The following ZNF554 variants were observed in gnomAD, a reference collection of about 807,000 sequenced individuals.
ZNF554 encodes zinc finger protein 554.
A neutral mutation model predicts 21.2 loss-of-function variants in ZNF554; 15 were observed. The ratio of observed to expected loss-of-function variants is 0.71; its 90% CI spans 0.47 to 1.09. The LOEUF is 1.09. Among genes scored for constraint, ZNF554 ranks in the 50% least tolerant of loss-of-function variants. The pLI is 0.00. For missense variants in ZNF554, 691 were observed against 662.7 expected (o/e 1.04, Z -0.47); for synonymous variants, 258 against 251.4 (o/e 1.03, Z -0.25).
chr19:2,829,496 G>A (rs892094330), intron 3 of ZNF554, among the ~76,000 whole-genome samples: 1 of 151,906 alleles, frequency 6.6e-6, no homozygotes, highest in Non-Finnish European at 1.5e-5. Flanking sequence ...AATTAGCCAG[G>A]CGTGGTGGCG....
Position 2,833,943 on chromosome 19 carries a change from G to A in ZNF554, c.708G>A (p.Gln236=). ...TGAGCCCAGCCCTTGTTTTATCACAGGGAAGCTCTAAAGGGAACCACTTGT... is the reference window on the plus strand; with the variant it reads ...TGAGCCCAGCCCTTGTTTTATCACAAGGAAGCTCTAAAGGGAACCACTTGT... ...GNLSPALVLS[Q]GSSKGNHLCG... The change falls in exon 5 of 5, where the codon CAG becomes CAA. Residue 236 remains glutamine, a synonymous_variant. Transcript: ENST00000317243. 1 of 1,614,090 alleles carries A rather than the reference G, an allele frequency of 6.2e-7. No individual in the cohort carries two copies. The highest frequency in any genetic ancestry group is 8.5e-7 in the Non-Finnish European group (1 of 1,180,048).
intron 2 of ZNF554, 78 bp from the exon 3 acceptor site, chr19:2,827,539 G>C: frequency 6.5e-7 from 1 of 1,536,356 alleles, no homozygotes; most frequent in Non-Finnish European, 8.8e-7. Context: ...CTTCCCTGGT[G>C]CCACCAACCT....
At position 2,834,724 on chromosome 19, in the gene ZNF554, T is replaced by C; in HGVS notation, c.1489T>C (p.Cys497Arg). Residue 497 changes from cysteine to arginine, a missense_variant, in exon 5 of 5, where the codon TGT (cysteine) becomes CGT (arginine). By Grantham distance (180) the Cys-to-Arg change is radical (BLOSUM62 -3). Coordinates refer to ENST00000317243, the MANE Select transcript of ZNF554 (RefSeq NM_001102651.2). The stretch of plus-strand genomic sequence containing the variant: ...AGAGAAACCCTACAGGTGTCAGGAA[T>C]GTGGGAAAGCCTTCAGCCAGAGCTC... ...TGEKPYRCQECGKAFSQSSSL... is the reference protein window; with the variant it reads ...TGEKPYRCQERGKAFSQSSSL... 2 of 1,614,070 alleles carry C rather than the reference T, an allele frequency of 1.2e-6. No individual in the cohort carries two copies. Among genetic ancestry groups the C allele is most frequent in the Middle Eastern group, 3.3e-4 (2 of 6,062 alleles).
rs1323456116 is a variant in ZNF554, at chr19:2,820,245, G to T, written c.53+121G>T. On this transcript the variant is annotated intron_variant, in intron 1 of 4. Transcript: ENST00000317243. Reference sequence around the variant, plus strand: ...ACCCTGTCGCGATAGGGTCCCCACGGGAGGGTCGGGAGCCGGCAGCTCGCC... The same window carrying T: ...ACCCTGTCGCGATAGGGTCCCCACGTGAGGGTCGGGAGCCGGCAGCTCGCC... 9 of 944,362 alleles carry T rather than the reference G, an allele frequency of 9.5e-6. No homozygotes were observed. In the Admixed American group the frequency reaches 1.8e-4, roughly 19 times the overall value. 58.5% of individuals were successfully genotyped at this position (944,362 alleles called of 1,614,324 possible).
In ZNF554 at chr19:2,834,083, G is replaced by A. The variant is rs373131556; in HGVS notation, c.848G>A (p.Arg283His). ...AGTAATGAATGTGGAAATGCCATCC[G>A]CCAGAACAGTCACTTTATTCAACAC... is the stretch of plus-strand genomic sequence containing the variant. ...CESNECGNAI[R>H]QNSHFIQHGG... The change falls in exon 5 of 5, where the codon CGC (arginine) becomes CAC (histidine). Residue 283 changes from arginine (R) to histidine (H), a missense_variant. Physicochemically the swap from Arg to His is conservative, Grantham distance 29. Coordinates refer to ENST00000317243, the MANE Select transcript of ZNF554 (RefSeq NM_001102651.2). 31 of 1,613,938 alleles carry A rather than the reference G, an allele frequency of 1.9e-5. No individual in the cohort carries two copies. The Admixed American group carries it at 2.2e-4, about 11-fold the overall frequency.
At chr19:2,828,416 G>A (rs2087364945) in intron 3 of ZNF554, among the ~76,000 whole-genome samples, 1 of 152,154 alleles carries the variant, frequency 6.6e-6, no homozygotes, top group Admixed American at 6.5e-5. Flanking sequence ...ACCTAGGCTG[G>A]GTGTGGTGGC....
In ZNF554 at chr19:2,836,178, G is replaced by A. The variant is rs976767577; in HGVS notation, c.*1326G>A. On this transcript the variant is annotated 3_prime_UTR_variant, in exon 5 of 5. Transcript: ENST00000317243. ...TGTGCTGGGATTACGGGCGTGAGCT[G>A]CCCATGCTGGGATTACGGGTGTGAG... is the stretch of plus-strand genomic sequence containing the variant. Among the ~76,000 whole-genome samples, 2 of 97,826 alleles carry A rather than the reference G, an allele frequency of 2.0e-5. No individual in the cohort carries two copies. The highest frequency in any genetic ancestry group is 6.1e-5 in the African/African-American group (2 of 32,860). The allele number at this position is 97,826 out of a possible 152,430, so 64.2% of individuals were successfully genotyped here. A position where few individuals can be genotyped will look rare whatever the true frequency, so the allele number is the denominator to read the frequency against.
intron 1 of ZNF554, among the ~76,000 whole-genome samples, chr19:2,820,683 C>CTTTTTTTTTTTTTTT (rs1568330714): frequency 9.8e-5 from 8 of 81,828 alleles, no homozygotes; most frequent in African/African-American, 4.2e-4. Flanking sequence ...CAGCAAGGGT[C>CTTTTTTTTTTTTTTT]CTTTTTTTTT....
chr19:2,819,955 C>A lies in ZNF554; in HGVS notation c.-117C>A. The A allele has an allele frequency of 1.2e-6, 1 of 827,296 alleles. No individual in the cohort carries two copies. The highest frequency in any genetic ancestry group is 1.6e-6 in the Non-Finnish European group (1 of 635,348). The allele number at this position is 827,296 out of a possible 1,614,324, so 51.2% of individuals were successfully genotyped here. A position where few individuals can be genotyped will look rare whatever the true frequency, so the allele number is the denominator to read the frequency against. On this transcript the variant is annotated 5_prime_UTR_variant, in exon 1 of 5. Coordinates refer to ENST00000317243, the MANE Select transcript of ZNF554 (RefSeq NM_001102651.2). ...GGGCGCCTGCGGGGGGCGTCCGCTC[C>A]GAGCGCCGAGGAGCCGAGCGGAGGA...
rs201289297 is a variant in ZNF554, at chr19:2,832,392, T to C, written c.343T>C (p.Trp115Arg). ...QTSQVTSLSSWTGYLLFQPVA... is the reference protein window; with the variant it reads ...QTSQVTSLSSRTGYLLFQPVA... ...CTCACAAGTCACTAGTCTTTCCTCA[T>C]GGACGGGGTATTTACTTTTTCAACC... The change falls in exon 4 of 5, where the codon TGG becomes CGG. Residue 115 changes from tryptophan (W) to arginine (R), a missense_variant. Physicochemically the swap from Trp to Arg is moderately radical, Grantham distance 101. Coordinates refer to ENST00000317243, the MANE Select transcript of ZNF554 (RefSeq NM_001102651.2). 1.3e-4 allele frequency: 216 copies of C among 1,614,082 alleles called. No homozygotes were observed. Among genetic ancestry groups the C allele is most frequent in the Admixed American group, 3.7e-4 (22 of 59,994 alleles).
chr19:2,823,867 A>C (rs2087294756), intron 2 of ZNF554, among the ~76,000 whole-genome samples: 1 of 151,856 alleles, frequency 6.6e-6, no homozygotes, highest in African/African-American at 2.4e-5. Context: ...CGGCCATGGG[A>C]GGGTCGAAAG....
At chr19:2,827,873 C>G in intron 3 of ZNF554, 130 bp downstream of exon 3, 2 of 1,151,322 alleles carry the variant, frequency 1.7e-6, no homozygotes, top group South Asian at 1.4e-5. Context: ...GTTTAATGGA[C>G]TCAGTTCCAC....
intron 2 of ZNF554, 151 bp downstream of exon 2, chr19:2,823,263 T>A: frequency 1.5e-6 from 1 of 668,378 alleles, no homozygotes; most frequent in Non-Finnish European, 2.5e-6. Context: ...GTACTCCTGC[T>A]GCTCCCAGGT....
chr19:2,831,981 A>C (rs2144821131), intron 3 of ZNF554: 1 of 180,254 alleles, frequency 5.5e-6, no homozygotes, highest in South Asian at 1.3e-4. Context: ...GCTGGAGTGC[A>C]ATGCCACGAC....
rs1394149089 is a variant in ZNF554, at chr19:2,836,578, T to A, written c.*1726T>A. Among the ~76,000 whole-genome samples the A allele has an allele frequency of 6.6e-6, 1 of 152,184 alleles. No homozygotes were observed. Among genetic ancestry groups the A allele is most frequent in the East Asian group, 1.9e-4 (1 of 5,198 alleles). The stretch of plus-strand genomic sequence containing the variant: ...AAAGGACAAAGGCTGGACAGAGACG[T>A]GAAGAAATGAATCATTTACGCAATG... On this transcript the variant is annotated 3_prime_UTR_variant, in exon 5 of 5. Coordinates refer to ENST00000317243, the MANE Select transcript of ZNF554 (RefSeq NM_001102651.2).
Position 2,819,998 on chromosome 19 carries a change from C to T in ZNF554, c.-74C>T. 4.4e-6 allele frequency: 5 copies of T among 1,127,496 alleles called. No homozygotes were observed. Among genetic ancestry groups the T allele is most frequent in the Non-Finnish European group, 5.5e-6 (5 of 904,352 alleles). 69.8% of individuals were successfully genotyped at this position (1,127,496 alleles called of 1,614,324 possible). Reference sequence around the variant, plus strand: ...GCGGAGGAGGCGTCCCAGGGACACGCAGGGGAGGCCGGCCGGCCTGCACGG... The same window carrying T: ...GCGGAGGAGGCGTCCCAGGGACACGTAGGGGAGGCCGGCCGGCCTGCACGG... On this transcript the variant is annotated 5_prime_UTR_variant, in exon 1 of 5. Coordinates refer to ENST00000317243, the MANE Select transcript of ZNF554 (RefSeq NM_001102651.2).
At chr19:2,833,634 G>A in intron 4 of ZNF554, 47 bp from the exon 5 acceptor site, 1 of 1,478,620 alleles carries the variant, frequency 6.8e-7, no homozygotes, top group South Asian at 1.4e-5. Context: ...TTTTCAAGTA[G>A]CTGTTTCTTC....
chr19:2,821,875 G>T lies in ZNF554; in HGVS notation c.54-1165G>T, dbSNP rs1160253134. On this transcript the variant is annotated intron_variant, in intron 1 of 4. Coordinates refer to ENST00000317243, the MANE Select transcript of ZNF554 (RefSeq NM_001102651.2). This position sits in a 1 kb window ranked among gnomAD's most constrained non-coding sequence, Gnocchi z 8.2. ...GACGGGGGTTTTGCCATGTTGGCCA[G>T]GCTGGTCTCGAACTCCTGACCTCGT... 1.3e-5 allele frequency among the ~76,000 whole-genome samples: 2 copies of T among 151,982 alleles called. No individual in the cohort carries two copies. The highest frequency in any genetic ancestry group is 4.8e-5 in the African/African-American group (2 of 41,354).
chr19:2,823,446 T>A (rs2087289450), intron 2 of ZNF554, among the ~76,000 whole-genome samples: 1 of 152,018 alleles, frequency 6.6e-6, no homozygotes, highest in Non-Finnish European at 1.5e-5. Context: ...AAGTGAAGGG[T>A]GAAGAAGAGT....
Sources: allele counts gnomAD v4.1 joint callset (sites outside exome capture counted in the v4.1 genomes callset), GRCh38; gene constraint gnomAD v4.1.1; non-coding constraint Gnocchi (gnomAD v3.1); transcripts MANE v1.5; gene names NCBI Gene and HGNC (gene_info 2026-07-23, HGNC 2026-07-21).